PDE5A: variants seen among roughly 807,000 people sequenced by gnomAD.
PDE5A encodes the protein cGMP-specific 3',5'-cyclic phosphodiesterase.
Under a neutral mutation model 110.2 loss-of-function variants are expected in PDE5A, and 67 were observed. That is an observed-to-expected ratio of 0.61 (90% CI 0.50 to 0.75). The LOEUF is 0.75. Among genes scored for constraint, PDE5A ranks in the 30% least tolerant of loss-of-function variants. PDE5A has a pLI of 0.00. For synonymous variants in PDE5A, 328 were observed against 351.2 expected (o/e 0.93, Z 0.74); for missense variants, 862 against 1,045.1 (o/e 0.82, Z 2.42).
intron 9 of PDE5A, chr4:119,549,141 T>C (rs1727248530): frequency 1.3e-5 from 2 of 152,124 alleles, no homozygotes. Flanking sequence ...CAAAATAAAT[T>C]AACAGAGTAA....
At chr4:119,539,574 AGAGGT>A (rs1222543908) in intron 10 of PDE5A, among the ~76,000 whole-genome samples, 2 of 152,054 alleles carry the variant, frequency 1.3e-5, no homozygotes, top group African/African-American at 4.8e-5. Flanking sequence ...CTACAATTTA[AGAGGT>A]GAGAAGAGAG....
rs202160683 is a variant in PDE5A, at chr4:119,607,023, G to C, written c.427C>G (p.His143Asp). 1.2e-6 allele frequency: 2 copies of C among 1,614,160 alleles called. No individual in the cohort carries two copies. The highest frequency in any genetic ancestry group is 2.2e-5 in the East Asian group (1 of 44,886). ...QMPLTPPRFD[H>D]DEGDQCSRLL... is the part of the protein sequence containing the mutation. Reference sequence around the variant, plus strand: ...CTTGAGCACTGGTCCCCTTCATCATGATCAAACCTTGGAGGGGTTAGAGGC... The same window carrying C: ...CTTGAGCACTGGTCCCCTTCATCATCATCAAACCTTGGAGGGGTTAGAGGC... Residue 143 changes from histidine (H) to aspartate (D), a missense_variant, in exon 2 of 21, where the codon CAT (histidine) becomes GAT (aspartate). His to Asp is a moderately conservative substitution (Grantham distance 81). Coordinates refer to ENST00000354960, the MANE Select transcript of PDE5A (RefSeq NM_001083.4).
At chr4:119,509,812 G>A (rs986316709) in intron 15 of PDE5A, among the ~76,000 whole-genome samples, 6 of 152,030 alleles carry the variant, frequency 3.9e-5, no homozygotes, top group Non-Finnish European at 8.8e-5. Context: ...AGGGAGGCGT[G>A]AGAGTGTGTT....
At chr4:119,608,345 A>G (rs542982815) in intron 1 of PDE5A, among the ~76,000 whole-genome samples, 2 of 152,210 alleles carry the variant, frequency 1.3e-5, no homozygotes, top group Middle Eastern at 3.2e-3. Flanking sequence ...TGACTTTTTA[A>G]AACAAACATA....
intron 1 of PDE5A, among the ~76,000 whole-genome samples, chr4:119,611,405 A>G (rs1342558362): frequency 1.3e-5 from 2 of 152,248 alleles, no homozygotes; most frequent in Admixed American, 6.5e-5. Context: ...AGCCTCCTGA[A>G]GCATCAAAAG....
At chr4:119,620,780 A>G (rs145157046) in intron 1 of PDE5A, among the ~76,000 whole-genome samples, 312 of 152,336 alleles carry the variant, frequency 2.0e-3, no homozygotes, top group African/African-American at 7.1e-3. Context: ...TCTAAGGTTT[A>G]TATTTGTGTT....
intron 1 of PDE5A, among the ~76,000 whole-genome samples, chr4:119,617,979 T>C (rs955383484): frequency 3.9e-5 from 6 of 152,188 alleles, no homozygotes; most frequent in African/African-American, 1.4e-4. Flanking sequence ...AAGAAAATGT[T>C]AACCTCTTCC....
intron 9 of PDE5A, among the ~76,000 whole-genome samples, chr4:119,546,202 T>C (rs920722035): frequency 1.3e-5 from 2 of 152,184 alleles, no homozygotes; most frequent in South Asian, 2.1e-4. Flanking sequence ...ATATACTAAA[T>C]TCATATTTGT....
chr4:119,537,134 G>GA (rs1560606322), intron 11 of PDE5A, among the ~76,000 whole-genome samples: 1 of 152,014 alleles, frequency 6.6e-6, no homozygotes, highest in East Asian at 1.9e-4. Context: ...CTGTGCCTCC[G>GA]CCTTTGCCTA....
intron 9 of PDE5A, chr4:119,549,607 T>C (rs1248507036): frequency 6.6e-6 from 1 of 152,206 alleles, no homozygotes; most frequent in East Asian, 1.9e-4. Flanking sequence ...AGGACTAGTT[T>C]CTGCAAAATT....
chr4:119,568,885 A>G (rs1013943575), intron 3 of PDE5A, among the ~76,000 whole-genome samples: 1 of 152,214 alleles, frequency 6.6e-6, no homozygotes, highest in Non-Finnish European at 1.5e-5. Context: ...AAGCAAGAAA[A>G]TAAAGAGAAA....
At chr4:119,532,099 A>G (rs1267310662) in intron 11 of PDE5A, among the ~76,000 whole-genome samples, 1 of 152,142 alleles carries the variant, frequency 6.6e-6, no homozygotes, top group Non-Finnish European at 1.5e-5. Context: ...AAATGTATTG[A>G]AGGAGCTTGA....
chr4:119,560,899 C>G (rs1176857507), intron 6 of PDE5A, among the ~76,000 whole-genome samples: 1 of 152,172 alleles, frequency 6.6e-6, no homozygotes, highest in African/African-American at 2.4e-5. Flanking sequence ...GTGGGTGGAT[C>G]ACTTGAGGCC....
chr4:119,566,973 G>T, intron 4 of PDE5A, 100 bp downstream of exon 4: 2 of 801,644 alleles, frequency 2.5e-6, no homozygotes, highest in Admixed American at 2.1e-5. Context: ...ATTTTTTTGT[G>T]TGACCAACAA....
chr4:119,496,225 T>TCTTG lies in PDE5A; in HGVS notation c.*2372_*2375dup, dbSNP rs1725066377. 1 of 152,148 alleles carries TCTTG rather than the reference T, an allele frequency of 6.6e-6. No individual in the cohort carries two copies. Among genetic ancestry groups the TCTTG allele is most frequent in the Non-Finnish European group, 1.5e-5 (1 of 68,032 alleles). 9.4% of individuals were successfully genotyped at this position (152,148 alleles called of 1,614,324 possible). On this transcript the variant is annotated 3_prime_UTR_variant, in exon 21 of 21. Coordinates refer to ENST00000354960, the MANE Select transcript of PDE5A (RefSeq NM_001083.4). ...AAACAAAAAATCTAGAACAAGAACT[T>TCTTG]CTTGCTAGTTATGGGTAATATAAAT...
At chr4:119,625,623 A>G (rs1031346917) in intron 1 of PDE5A, among the ~76,000 whole-genome samples, 2 of 152,186 alleles carry the variant, frequency 1.3e-5, no homozygotes, top group Admixed American at 1.3e-4. Flanking sequence ...GCATGCATCT[A>G]CAGAACTATT....
chr4:119,498,953 C>A, intron 20 of PDE5A, among the ~76,000 whole-genome samples: 1 of 152,164 alleles, frequency 6.6e-6, no homozygotes, highest in African/African-American at 2.4e-5. Flanking sequence ...ACAGAGCAAA[C>A]ACACACATTC....
chr4:119,589,032 G>T (rs1311795444), intron 3 of PDE5A, among the ~76,000 whole-genome samples: 1 of 152,064 alleles, frequency 6.6e-6, no homozygotes, highest in Non-Finnish European at 1.5e-5. Flanking sequence ...TTAATAACTG[G>T]AGTTGACATT....
chr4:119,592,852 G>A (rs1729027002), intron 3 of PDE5A, among the ~76,000 whole-genome samples: 1 of 152,112 alleles, frequency 6.6e-6, no homozygotes, highest in African/African-American at 2.4e-5. Flanking sequence ...GACACCAGCA[G>A]GAGAGGATGT....
Sources: allele counts gnomAD v4.1 joint callset (sites outside exome capture counted in the v4.1 genomes callset), GRCh38; gene constraint gnomAD v4.1.1; transcripts MANE v1.5; gene names NCBI Gene and HGNC (gene_info 2026-07-23, HGNC 2026-07-21).